The following DNAH17 variants were observed in gnomAD, a reference collection of about 807,000 sequenced individuals.
DNAH17 encodes the protein dynein axonemal heavy chain 17.
DNAH17 carries 376 observed loss-of-function variants against 485.6 expected under a neutral mutation model. The ratio of observed to expected loss-of-function variants is 0.77; its 90% CI spans 0.71 to 0.84. DNAH17 has a LOEUF of 0.84. Among genes scored for constraint, DNAH17 ranks in the 40% least tolerant of loss-of-function variants. The probability of loss-of-function intolerance (pLI) is 0.00; values close to 1 mark genes in which losing one functional copy is unlikely to be tolerated. For synonymous variants in DNAH17, 3,031 were observed against 2,405.9 expected (o/e 1.26, Z -7.60); for missense variants, 6,370 against 5,839.3 (o/e 1.09, Z -2.96).
chr17:78,501,189 A>C lies in DNAH17; in HGVS notation c.5478T>G (p.Thr1826=), dbSNP rs574892277. 5.6e-5 allele frequency: 89 copies of C among 1,577,316 alleles called. No individual in the cohort carries two copies. The highest frequency in any genetic ancestry group is 6.9e-5 in the Non-Finnish European group (80 of 1,153,340). The change falls in exon 35 of 81, where the codon ACT becomes ACG. Residue 1826 remains threonine (T), a synonymous_variant. Transcript: ENST00000389840. ...NTPRLVITPL[T]DRCYITLTQS... Reference sequence around the variant, plus strand: ...TACTCAGGGACGGGCCTCACCTGTCAGTGAGTGGGGTGATGACCAGCCGCG... The same window carrying C: ...TACTCAGGGACGGGCCTCACCTGTCCGTGAGTGGGGTGATGACCAGCCGCG...
At chr17:78,474,840 C>T (rs1337409018) in intron 54 of DNAH17, among the ~76,000 whole-genome samples, 1 of 151,874 alleles carries the variant, frequency 6.6e-6, no homozygotes, top group Non-Finnish European at 1.5e-5. Context: ...GTTTCACTCT[C>T]TTCACCTCAG....
intron 62 of DNAH17, 145 bp from the exon 63 acceptor site, chr17:78,455,981 G>A (rs1280102745): frequency 1.4e-6 from 1 of 701,454 alleles, no homozygotes; most frequent in African/African-American, 1.9e-5. Flanking sequence ...ATGCTTTTGG[G>A]AGGAAATGCT....
chr17:78,515,780 T>C (rs1251409312), intron 25 of DNAH17, among the ~76,000 whole-genome samples: 2 of 152,236 alleles, frequency 1.3e-5, no homozygotes, highest in Non-Finnish European at 2.9e-5. Context: ...AGGAAACAAC[T>C]GCTTGGAACT....
intron 14 of DNAH17, among the ~76,000 whole-genome samples, chr17:78,556,330 G>A (rs1351639027): frequency 6.6e-6 from 1 of 152,170 alleles, no homozygotes; most frequent in Non-Finnish European, 1.5e-5. Context: ...GCCTCTAGAC[G>A]CTGGAAAAGA....
chr17:78,480,136 G>A (rs973759001), intron 49 of DNAH17, among the ~76,000 whole-genome samples: 1 of 148,732 alleles, frequency 6.7e-6, no homozygotes, highest in Non-Finnish European at 1.5e-5. Flanking sequence ...ATCACTTGAG[G>A]TCAGAAGTTC....
rs549170030 is a variant in DNAH17, at chr17:78,559,325, G to A, written c.2032-1071C>T. On this transcript the variant is annotated intron_variant, in intron 13 of 80. Coordinates refer to ENST00000389840, the MANE Select transcript of DNAH17 (RefSeq NM_173628.4). ...ACATCTCACACCCAACAAGGCTAAA[G>A]CACAGCAGCCCATCCTCCCCTGTGG... 6.6e-5 allele frequency among the ~76,000 whole-genome samples: 10 copies of A among 152,322 alleles called. No homozygotes were observed. In the South Asian group the frequency reaches 1.9e-3, roughly 28 times the overall value.
intron 62 of DNAH17, 105 bp downstream of exon 62, chr17:78,458,460 T>G (rs536879619): frequency 6.3e-5 from 59 of 941,052 alleles, no homozygotes; most frequent in Non-Finnish European, 9.6e-5. Flanking sequence ...GCAACCTGGC[T>G]GCTTCCACCT....
intron 56 of DNAH17, 39 bp downstream of exon 56, chr17:78,466,616 G>A: frequency 6.4e-7 from 1 of 1,568,980 alleles, no homozygotes; most frequent in East Asian, 2.3e-5. Context: ...CTTGTCCTCT[G>A]GGCTCTACAC....
chr17:78,530,273 C>G lies in DNAH17; in HGVS notation c.3284+70G>C, dbSNP rs2091195372. On this transcript the variant is annotated intron_variant, in intron 21 of 80. Coordinates refer to ENST00000389840, the MANE Select transcript of DNAH17 (RefSeq NM_173628.4). ...AGGCACCTGACAAATGCCACCCACT[C>G]AAGTGGAAGGCCACTCCCTGGTGCT... 3.4e-6 allele frequency: 5 copies of G among 1,473,106 alleles called. No individual in the cohort carries two copies. In the South Asian group the frequency reaches 4.1e-5, roughly 12 times the overall value. The allele number at this position is 1,473,106 out of a possible 1,614,324, so 91.3% of individuals were successfully genotyped here.
intron 48 of DNAH17, among the ~76,000 whole-genome samples, chr17:78,482,683 G>A (rs1412471021): frequency 1.3e-5 from 2 of 151,926 alleles, no homozygotes; most frequent in African/African-American, 4.8e-5. Context: ...CCTTCCCACG[G>A]GCCCCACCCT....
intron 2 of DNAH17, among the ~76,000 whole-genome samples, chr17:78,573,485 G>C (rs751733401): frequency 9.2e-5 from 14 of 151,790 alleles, no homozygotes; most frequent in Non-Finnish European, 1.8e-4. Context: ...TATAATCCCA[G>C]CTATTTGGGA....
Position 78,507,613 on chromosome 17 carries a change from G to A in DNAH17, c.4429C>T (p.Gln1477Ter). The A allele has an allele frequency of 6.2e-7, 1 of 1,614,148 alleles. No homozygotes were observed. Among genetic ancestry groups the A allele is most frequent in the East Asian group, 2.2e-5 (1 of 44,890 alleles). ...ACGGAGTCCGCCGTGGACAGCTTCT[G>A]CTGCCAGCTTGTCACCTCCTTCAGG... ...HFLKEVTSWQ[Q>*]KLSTADSVIS... The change falls in exon 28 of 81, where the codon CAG becomes TAG. Residue 1477 changes from glutamine to a stop codon, truncating the protein, a stop_gained. Coordinates refer to ENST00000389840, the MANE Select transcript of DNAH17 (RefSeq NM_173628.4). LOFTEE classifies it high-confidence loss of function.
At chr17:78,530,606 C>T (rs1007880238) in intron 20 of DNAH17, 94 bp from the exon 21 acceptor site, 3 of 1,414,686 alleles carry the variant, frequency 2.1e-6, no homozygotes, top group Admixed American at 2.2e-5. Flanking sequence ...CTGCACTGCA[C>T]CTGCGCTGCT....
At chr17:78,558,357 C>CCG in intron 13 of DNAH17, 103 bp from the exon 14 acceptor site, 11 of 1,395,376 alleles carry the variant, frequency 7.9e-6, no homozygotes, top group Non-Finnish European at 9.6e-6. Flanking sequence ...TTTTGACAGC[C>CCG]GGGGGGGATC....
intron 51 of DNAH17, chr17:78,478,737 TCATCACCATCACCAC>T (rs1384169998): frequency 1.1e-5 from 4 of 370,708 alleles, no homozygotes; most frequent in African/African-American, 5.7e-5. Context: ...ATCACCACCA[TCATCACCATCACCAC>T]CATCACTATC....
rs1264767826 is a variant in DNAH17, at chr17:78,510,172, ACT to A, written c.4236+210_4236+211del. Among the ~76,000 whole-genome samples, 10 of 152,316 alleles carry A rather than the reference ACT, an allele frequency of 6.6e-5. No homozygotes were observed. In the East Asian group the frequency reaches 7.7e-4, roughly 12 times the overall value. On this transcript the variant is annotated intron_variant, in intron 27 of 80. Transcript: ENST00000389840. ...ACTCCAGCCTGGGCAACAGAGAGAG[ACT>A]CTGTCTCAAAAACAATAAAAAATAA...
chr17:78,534,964 G>A (rs1485716434), intron 19 of DNAH17, among the ~76,000 whole-genome samples: 6 of 152,188 alleles, frequency 3.9e-5, no homozygotes, highest in Non-Finnish European at 8.8e-5. Flanking sequence ...CTGGGACCCA[G>A]CAGTCTAGAT....
intron 25 of DNAH17, among the ~76,000 whole-genome samples, chr17:78,522,074 G>T (rs554640525): frequency 1.3e-4 from 20 of 152,146 alleles, no homozygotes; most frequent in African/African-American, 4.3e-4. Flanking sequence ...GAAATTACTC[G>T]CAATCACAAC....
intron 9 of DNAH17, among the ~76,000 whole-genome samples, 184 bp from the exon 10 acceptor site, chr17:78,567,350 C>T (rs2092284308): frequency 6.6e-6 from 1 of 152,034 alleles, no homozygotes; most frequent in African/African-American, 2.4e-5. Context: ...TATTCCATCC[C>T]CTGCAGAAAG....
Sources: gnomAD v4.1 joint callset for allele counts (sites outside exome capture counted in the v4.1 genomes callset) on GRCh38, gnomAD v4.1.1 for gene constraint, MANE v1.5 for transcripts, NCBI Gene and HGNC (gene_info 2026-07-23, HGNC 2026-07-21) for gene names.